The following ABLIM3 variants were observed in gnomAD, a reference collection of about 807,000 sequenced individuals.
The protein encoded by ABLIM3 is actin binding LIM protein family member 3.
In ABLIM3, 61 loss-of-function variants were observed where a neutral mutation model predicts 109.5. That is an observed-to-expected ratio of 0.56 (90% CI 0.45 to 0.69). The LOEUF (loss-of-function observed/expected upper bound fraction) is 0.69. ABLIM3 is among the 30% of genes least tolerant of loss of function. ABLIM3 has a pLI of 0.00. For missense variants in ABLIM3, 796 were observed against 889.5 expected (o/e 0.89, Z 1.34); for synonymous variants, 300 against 324.8 (o/e 0.92, Z 0.82).
intron 2 of ABLIM3, among the ~76,000 whole-genome samples, chr5:149,178,234 G>A (rs975439715): frequency 6.6e-6 from 1 of 152,162 alleles, no homozygotes; most frequent in South Asian, 2.1e-4. Context: ...AAAATGCCTG[G>A]ACCCACAGTT....
intron 3 of ABLIM3, among the ~76,000 whole-genome samples, chr5:149,185,053 G>C (rs561451271): frequency 9.2e-5 from 14 of 152,124 alleles, no homozygotes; most frequent in Non-Finnish European, 1.0e-4. Flanking sequence ...GTAAAGACAA[G>C]GAAATTGTTA....
rs537359635 is a variant in ABLIM3, at chr5:149,223,907, A to G, written c.758-6742A>G. Among the ~76,000 whole-genome samples, 5 of 152,338 alleles carry G rather than the reference A, an allele frequency of 3.3e-5. No homozygotes were observed. In the East Asian group the frequency reaches 9.7e-4, roughly 29 times the overall value. Reference sequence around the variant, plus strand: ...GAAGATTAAATGAACTAATGAATGCATGGTAAAGACTCAGCACAGGGACTA... The same window carrying G: ...GAAGATTAAATGAACTAATGAATGCGTGGTAAAGACTCAGCACAGGGACTA... On this transcript the variant is annotated intron_variant, in intron 8 of 23. Transcript: ENST00000309868.
chr5:149,192,524 G>C (rs1407660346), intron 3 of ABLIM3, among the ~76,000 whole-genome samples: 1 of 151,570 alleles, frequency 6.6e-6, no homozygotes, highest in Non-Finnish European at 1.5e-5. Context: ...TACTCAGGAG[G>C]CTGAGGCAGG....
At chr5:149,239,575 C>T (rs1752580884) in intron 12 of ABLIM3, among the ~76,000 whole-genome samples, 184 bp from the exon 13 acceptor site, 1 of 152,218 alleles carries the variant, frequency 6.6e-6, no homozygotes, top group South Asian at 2.1e-4. Context: ...GGGGGAAAGC[C>T]CTGGAAATTC....
chr5:149,232,112 G>C (rs2014787), intron 9 of ABLIM3, among the ~76,000 whole-genome samples: 61,866 of 151,992 alleles, frequency 0.41, 13,002 homozygotes, highest in East Asian at 0.63. Context: ...TCGAGACCAG[G>C]CTGGCCAACA....
intron 7 of ABLIM3, among the ~76,000 whole-genome samples, chr5:149,215,126 C>T (rs1759931450): frequency 6.6e-6 from 1 of 152,138 alleles, no homozygotes; most frequent in Non-Finnish European, 1.5e-5. Flanking sequence ...TGGGGCATGA[C>T]ATTTAGGAAA....
At chr5:149,170,626 C>T (rs1755324779) in intron 2 of ABLIM3, among the ~76,000 whole-genome samples, 1 of 152,192 alleles carries the variant, frequency 6.6e-6, no homozygotes, top group Admixed American at 6.5e-5. Flanking sequence ...GTGAAAAACG[C>T]TGTTTGCAGG....
chr5:149,244,276 A>T (rs1753135639), intron 15 of ABLIM3: 1 of 153,286 alleles, frequency 6.5e-6, no homozygotes, highest in African/African-American at 2.4e-5. Context: ...ACACTTACAG[A>T]TGAGGAAACT....
intron 2 of ABLIM3, among the ~76,000 whole-genome samples, chr5:149,179,454 C>T (rs1756271063): frequency 6.6e-6 from 1 of 152,146 alleles, no homozygotes; most frequent in African/African-American, 2.4e-5. Context: ...GCATTTATTT[C>T]ACTGCTCATG....
At chr5:149,199,144 T>G (rs1223539743) in intron 4 of ABLIM3, 1 of 456,560 alleles carries the variant, frequency 2.2e-6, no homozygotes, top group Non-Finnish European at 4.4e-6. Context: ...CTCCACTGAA[T>G]GCCAAGCAAC....
chr5:149,249,705 C>A, intron 18 of ABLIM3, 110 bp from the exon 19 acceptor site: 2 of 1,361,510 alleles, frequency 1.5e-6, no homozygotes, highest in Non-Finnish European at 2.1e-6. Context: ...CTTTTCCCAG[C>A]CAGCCAGGGG....
intron 7 of ABLIM3, among the ~76,000 whole-genome samples, chr5:149,214,834 C>T (rs537344562): frequency 3.5e-4 from 54 of 152,288 alleles, no homozygotes; most frequent in Non-Finnish European, 6.8e-4. Flanking sequence ...GGACCACAAC[C>T]TGGTTTGCTT....
intron 2 of ABLIM3, among the ~76,000 whole-genome samples, chr5:149,170,194 C>T (rs1755252605): frequency 6.7e-6 from 1 of 150,228 alleles, no homozygotes; most frequent in Non-Finnish European, 1.5e-5. Flanking sequence ...GGAAGATCCA[C>T]AGACTTAAAT....
chr5:149,168,234 A>G (rs1051973348), intron 2 of ABLIM3, among the ~76,000 whole-genome samples: 1 of 152,202 alleles, frequency 6.6e-6, no homozygotes, highest in African/African-American at 2.4e-5. Context: ...TTGCTGGGCT[A>G]TGGCTGGAAG....
At chr5:149,142,233 C>A in intron 2 of ABLIM3, 125 bp downstream of exon 2, 1 of 1,381,170 alleles carries the variant, frequency 7.2e-7, no homozygotes, top group Admixed American at 1.7e-5. Flanking sequence ...GACCCCCAGG[C>A]TCTTTTTTGG....
At chr5:149,153,635 A>T (rs923661030) in intron 2 of ABLIM3, among the ~76,000 whole-genome samples, 4 of 152,224 alleles carry the variant, frequency 2.6e-5, no homozygotes, top group African/African-American at 9.6e-5. Context: ...ATTCCCAGAA[A>T]TGAGTGACCG....
chr5:149,250,150 C>G (rs1036310098), intron 19 of ABLIM3, among the ~76,000 whole-genome samples: 4 of 152,138 alleles, frequency 2.6e-5, no homozygotes, highest in Non-Finnish European at 5.9e-5. Flanking sequence ...TGTCCAGAGC[C>G]AGCCTGTGGC....
chr5:149,233,273 C>G lies in ABLIM3; in HGVS notation c.861C>G (p.Ser287Arg), dbSNP rs763087941. 3.1e-6 allele frequency: 5 copies of G among 1,614,222 alleles called. No homozygotes were observed. Among genetic ancestry groups the G allele is most frequent in the Non-Finnish European group, 2.5e-6 (3 of 1,180,026 alleles). ...SETSISPPGSSIGSPNRVICA... is the reference protein window; with the variant it reads ...SETSISPPGSRIGSPNRVICA... Reference sequence around the variant, plus strand: ...CCTCCATCTCACCCCCTGGATCCAGCATTGGGTCACCCAACCGAGTCATCT... The same window carrying G: ...CCTCCATCTCACCCCCTGGATCCAGGATTGGGTCACCCAACCGAGTCATCT... Residue 287 changes from serine (S) to arginine (R), a missense_variant, in exon 10 of 24, where the codon AGC becomes AGG. Ser to Arg is a moderately radical substitution (Grantham distance 110). Coordinates refer to ENST00000309868, the MANE Select transcript of ABLIM3 (RefSeq NM_014945.5).
In ABLIM3 at chr5:149,164,559, C is replaced by T. The variant is rs141496950; in HGVS notation, c.14-18893C>T. Among the ~76,000 whole-genome samples the T allele has an allele frequency of 3.1e-3, 468 of 152,240 alleles. 3 individuals carry two copies. Among genetic ancestry groups the T allele is most frequent in the African/African-American group, 0.011 (453 of 41,528 alleles). ...GCACAGTTTCAGTCCTTACCCTGGACCCCCTGAGTCAAAAACCCTGGGTCA... is the reference window on the plus strand; with the variant it reads ...GCACAGTTTCAGTCCTTACCCTGGATCCCCTGAGTCAAAAACCCTGGGTCA... On this transcript the variant is annotated intron_variant, in intron 2 of 23. Transcript: ENST00000309868.
Sources: gnomAD v4.1 joint callset for allele counts (sites outside exome capture counted in the v4.1 genomes callset) on GRCh38, gnomAD v4.1.1 for gene constraint, MANE v1.5 for transcripts, NCBI Gene and HGNC (gene_info 2026-07-23, HGNC 2026-07-21) for gene names.